SPATA9: variants seen among roughly 807,000 people sequenced by gnomAD.
The protein encoded by SPATA9 is spermatogenesis associated 9.
Under a neutral mutation model 25.5 loss-of-function variants are expected in SPATA9, and 27 were observed. The observed-to-expected ratio is 1.06, with a 90% CI of 0.78 to 1.46. The LOEUF (loss-of-function observed/expected upper bound fraction) is 1.46. SPATA9 is among the 40% of genes most tolerant of loss of function. The pLI is 0.00. For synonymous variants in SPATA9, 102 were observed against 105.7 expected (o/e 0.97, Z 0.21); for missense variants, 282 against 297.5 (o/e 0.95, Z 0.38).
upstream of SPATA9, among the ~76,000 whole-genome samples, chr5:95,686,932 G>A (rs975447914): frequency 6.6e-6 from 1 of 152,144 alleles, no homozygotes; most frequent in African/African-American, 2.4e-5. Flanking sequence ...TAGCTATACA[G>A]CTAGGGTATT....
At chr5:95,661,190 T>C (rs1751223813) in intron 4 of SPATA9, among the ~76,000 whole-genome samples, 5 of 152,112 alleles carry the variant, frequency 3.3e-5, no homozygotes. Flanking sequence ...CTGAGTCTAT[T>C]TCCTTGGCAC....
chr5:95,690,314 G>C (rs1286079009), intron 1 of SPATA9, among the ~76,000 whole-genome samples: 1 of 152,104 alleles, frequency 6.6e-6, no homozygotes, highest in Admixed American at 6.5e-5. Flanking sequence ...CTAGAATCAT[G>C]GCCAACCCAG....
the SPATA9 span, among the ~76,000 whole-genome samples, chr5:95,710,832 T>C: frequency 6.6e-6 from 1 of 152,190 alleles, no homozygotes; most frequent in Non-Finnish European, 1.5e-5. Context: ...TGTTGCTTGT[T>C]TTTGTTTTTC....
upstream of SPATA9, among the ~76,000 whole-genome samples, chr5:95,701,807 T>C (rs182862983): frequency 2.2e-4 from 34 of 152,326 alleles, no homozygotes; most frequent in Middle Eastern, 3.4e-3. Context: ...ATGTAGACTT[T>C]GTACAACAGT....
At chr5:95,677,820 A>T (rs1753087440) in intron 2 of SPATA9, among the ~76,000 whole-genome samples, 1 of 152,232 alleles carries the variant, frequency 6.6e-6, no homozygotes, top group South Asian at 2.1e-4. Context: ...AATTGACTGT[A>T]TTTATCCTAA....
chr5:95,729,543 T>C, the SPATA9 span, among the ~76,000 whole-genome samples: 16 of 152,368 alleles, frequency 1.1e-4, no homozygotes, highest in African/African-American at 2.6e-4. Flanking sequence ...CTCTAGTGTT[T>C]AGTTAACAAT....
the SPATA9 span, among the ~76,000 whole-genome samples, chr5:95,727,811 A>G: frequency 1.3e-5 from 2 of 152,240 alleles, no homozygotes; most frequent in Non-Finnish European, 2.9e-5. Flanking sequence ...CAAGATAAAT[A>G]ACACTAACTG....
chr5:95,731,409 C>A, the SPATA9 span: 1 of 1,186,780 alleles, frequency 8.4e-7, no homozygotes, highest in Non-Finnish European at 1.0e-6. Flanking sequence ...CCACTTGGGG[C>A]TGTGCGGCGG....
intron 2 of SPATA9, among the ~76,000 whole-genome samples, chr5:95,677,501 T>C (rs558662254): frequency 6.6e-6 from 1 of 152,238 alleles, no homozygotes; most frequent in South Asian, 2.1e-4. Context: ...AAGACAAAAA[T>C]ATAATTGAAT....
the SPATA9 span, among the ~76,000 whole-genome samples, chr5:95,721,460 G>A: frequency 6.6e-6 from 1 of 152,134 alleles, no homozygotes; most frequent in Non-Finnish European, 1.5e-5. Flanking sequence ...GGGCCTTGTC[G>A]GAGTTGTGAC....
the SPATA9 span, chr5:95,731,585 A>G: frequency 6.4e-7 from 1 of 1,566,152 alleles, no homozygotes; most frequent in East Asian, 2.4e-5. Context: ...GCGGCCGGGG[A>G]TGAGCGGATT....
At chr5:95,691,114 G>C (rs1277741209) in intron 1 of SPATA9, among the ~76,000 whole-genome samples, 1 of 151,832 alleles carries the variant, frequency 6.6e-6, no homozygotes, top group Non-Finnish European at 1.5e-5. Flanking sequence ...TACTTGGGAG[G>C]CTGAGGCAGG....
chr5:95,729,352 A>G, the SPATA9 span, among the ~76,000 whole-genome samples: 2 of 152,184 alleles, frequency 1.3e-5, no homozygotes, highest in Admixed American at 1.3e-4. Flanking sequence ...TACCCAGCAC[A>G]GGCTTGGCTC....
chr5:95,731,951 G>A, the SPATA9 span: 2 of 1,614,156 alleles, frequency 1.2e-6, no homozygotes, highest in Non-Finnish European at 1.7e-6. Flanking sequence ...CTGGGGAGAA[G>A]CCCTCTGGTC....
At chr5:95,677,859 C>T (rs893207981) in intron 2 of SPATA9, among the ~76,000 whole-genome samples, 5 of 152,144 alleles carry the variant, frequency 3.3e-5, no homozygotes, top group Non-Finnish European at 5.9e-5. Flanking sequence ...CAAGAATGAG[C>T]ATCTAAATTA....
the SPATA9 span, among the ~76,000 whole-genome samples, chr5:95,727,483 A>G: frequency 6.6e-6 from 1 of 152,196 alleles, no homozygotes; most frequent in African/African-American, 2.4e-5. Flanking sequence ...CATCTTATTT[A>G]GGGATAAAAA....
the SPATA9 span, chr5:95,719,710 C>T: frequency 2.0e-5 from 3 of 152,136 alleles, no homozygotes; most frequent in African/African-American, 7.2e-5. Flanking sequence ...TGTGGCTCTT[C>T]GATGATCCTT....
At chr5:95,701,984 G>T (rs1754189236), upstream of SPATA9, among the ~76,000 whole-genome samples, 2 of 152,138 alleles carry the variant, frequency 1.3e-5, no homozygotes, top group Admixed American at 1.3e-4. Flanking sequence ...AGTTAATGGA[G>T]TATATTTAAA....
At chr5:95,728,912 T>G in the SPATA9 span, among the ~76,000 whole-genome samples, 5 of 152,184 alleles carry the variant, frequency 3.3e-5, no homozygotes, top group Non-Finnish European at 5.9e-5. Flanking sequence ...CATTATATGC[T>G]AATTATAATG....
Sources: gnomAD v4.1 joint callset for allele counts (sites outside exome capture counted in the v4.1 genomes callset) on GRCh38, gnomAD v4.1.1 for gene constraint, MANE v1.5 for transcripts, NCBI Gene and HGNC (gene_info 2026-07-23, HGNC 2026-07-21) for gene names.